MYO7A: variants seen among roughly 807,000 people sequenced by gnomAD.
MYO7A encodes the protein unconventional myosin-VIIa.
A neutral mutation model predicts 263.8 loss-of-function variants in MYO7A; 210 were observed. The ratio of observed to expected loss-of-function variants is 0.80; its 90% CI spans 0.71 to 0.89. MYO7A has a LOEUF of 0.89. Ranked by LOEUF, MYO7A falls within the 40% of genes least tolerant of loss-of-function variation. The pLI is 0.00. For synonymous variants in MYO7A, 1,239 were observed against 1,197.3 expected, an observed-to-expected ratio of 1.03 and a Z score of -0.72; for missense variants, 2,820 against 2,968.3, an observed-to-expected ratio of 0.95 and a Z score of 1.16.
intron 9 of MYO7A, among the ~76,000 whole-genome samples, chr11:77,159,037 A>C (rs782559142): frequency 6.6e-6 from 1 of 152,226 alleles, no homozygotes; most frequent in East Asian, 1.9e-4. Context: ...ACTAAGAGAC[A>C]CAGGGAAGGG....
rs782643846 is a variant in MYO7A at position 77,156,847 on chromosome 11, C to T, written c.593-15C>T. 2.4e-5 allele frequency: 38 copies of T among 1,613,948 alleles called. No individual in the cohort carries two copies. In the South Asian group the frequency reaches 4.1e-4, roughly 17 times the overall value. On this transcript the variant is annotated splice_polypyrimidine_tract_variant and intron_variant, in intron 6 of 48. Transcript: ENST00000409709. ...GGGAGCGGGCTTTGCCAGTGACACC[C>T]TACTCACTCCGCAGCATTTGGGAAT... is the stretch of plus-strand genomic sequence containing the variant.
intron 11 of MYO7A, 118 bp downstream of exon 11, chr11:77,160,400 T>C (rs1253023531): frequency 1.4e-6 from 2 of 1,396,832 alleles, no homozygotes; most frequent in Non-Finnish European, 1.9e-6. Flanking sequence ...CACCCCTGCC[T>C]GCCCCGGGGC....
In MYO7A at chr11:77,206,200, G is replaced by T; in HGVS notation, c.5740G>T (p.Glu1914Ter). 6.2e-7 allele frequency: 1 copy of T among 1,608,786 alleles called. No homozygotes were observed. Among genetic ancestry groups the T allele is most frequent in the Non-Finnish European group, 8.5e-7 (1 of 1,176,504 alleles). The change falls in exon 41 of 49, where the codon GAG becomes TAG. Residue 1914 changes from glutamate to a stop codon, truncating the protein, a stop_gained and splice_region_variant. Transcript: ENST00000409709. LOFTEE classifies it high-confidence loss of function. ...HKVYFPDDTD[E>*]AFEVESSTKA... ...AGTCTACTTCCCTGATGACACTGACGAGGTGAGGGTCACCGGCTTCTAGGT... is the reference window on the plus strand; with the variant it reads ...AGTCTACTTCCCTGATGACACTGACTAGGTGAGGGTCACCGGCTTCTAGGT...
In MYO7A at chr11:77,179,933, C is replaced by T. The variant is rs1555082978; in HGVS notation, c.2566C>T (p.His856Tyr). The change falls in exon 21 of 49, where the codon CAC becomes TAC. Residue 856 changes from histidine (H) to tyrosine (Y), a missense_variant. Coordinates refer to ENST00000409709, the MANE Select transcript of MYO7A (RefSeq NM_000260.4). The stretch of plus-strand genomic sequence containing the variant: ...CCGGGGCATGATCGCCCGCAGGCTG[C>T]ACCAACGCCTCAGGGCTGAGGTGAG... ...YARGMIARRLHQRLRAEYLWR... is the reference protein window; with the variant it reads ...YARGMIARRLYQRLRAEYLWR... The T allele has an allele frequency of 1.3e-6, 2 of 1,530,168 alleles. No homozygotes were observed. Among genetic ancestry groups the T allele is most frequent in the Non-Finnish European group, 8.8e-7 (1 of 1,140,768 alleles). 94.8% of individuals were successfully genotyped at this position (1,530,168 alleles called of 1,614,324 possible).
At chr11:77,151,388 C>A (rs1479687215) in intron 4 of MYO7A, among the ~76,000 whole-genome samples, 5 of 152,214 alleles carry the variant, frequency 3.3e-5, no homozygotes, top group African/African-American at 7.2e-5. Context: ...GGAGTGGGCA[C>A]CTTTGTGGCT....
chr11:77,145,820 C>T lies in MYO7A; in HGVS notation c.133-1978C>T, dbSNP rs372136120. ...CTCTGTCCAGCGCAGCCCCTAATCC[C>T]CCTGAGGGCCTGGGCAGGCTGCCAC... On this transcript the variant is annotated intron_variant, in intron 3 of 48. Coordinates refer to ENST00000409709, the MANE Select transcript of MYO7A (RefSeq NM_000260.4). 2.0e-5 allele frequency among the ~76,000 whole-genome samples: 3 copies of T among 152,268 alleles called. No homozygotes were observed. In the East Asian group the frequency reaches 5.8e-4, roughly 29 times the overall value.
chr11:77,148,086 C>A, intron 4 of MYO7A, 136 bp downstream of exon 4: 1 of 837,476 alleles, frequency 1.2e-6, no homozygotes, highest in Non-Finnish European at 1.7e-6. Context: ...CGCTGTGCAG[C>A]TGGACCCCGG....
At chr11:77,197,174 T>C (rs936972874) in intron 32 of MYO7A, among the ~76,000 whole-genome samples, 2 of 152,186 alleles carry the variant, frequency 1.3e-5, no homozygotes, top group Admixed American at 1.3e-4. Flanking sequence ...TCCCACATGC[T>C]CTGCCTGGAA....
At chr11:77,143,833 T>C (rs1951378352) in intron 3 of MYO7A, among the ~76,000 whole-genome samples, 1 of 152,136 alleles carries the variant, frequency 6.6e-6, no homozygotes, top group Admixed American at 6.5e-5. Context: ...GAGGCTCTGC[T>C]GGGGACGACG....
At chr11:77,196,191 A>G (rs887483426) in intron 32 of MYO7A, among the ~76,000 whole-genome samples, 1 of 152,102 alleles carries the variant, frequency 6.6e-6, no homozygotes, top group Non-Finnish European at 1.5e-5. Flanking sequence ...ACATGGCAAA[A>G]CCCCGTCTCT....
chr11:77,177,034 G>A (rs1310370504), intron 18 of MYO7A, among the ~76,000 whole-genome samples: 2 of 152,176 alleles, frequency 1.3e-5, no homozygotes, highest in African/African-American at 4.8e-5. Flanking sequence ...GCTCGACGTG[G>A]GGAACCATGA....
chr11:77,191,626 C>T (rs373294587), intron 30 of MYO7A, among the ~76,000 whole-genome samples: 1 of 152,224 alleles, frequency 6.6e-6, no homozygotes, highest in Non-Finnish European at 1.5e-5. Context: ...CTGGAGCCTC[C>T]TCGGCTGAGC....
chr11:77,160,179 T>C lies in MYO7A; in HGVS notation c.1097T>C (p.Leu366Pro), dbSNP rs397516281. 1.3e-6 allele frequency: 2 copies of C among 1,564,842 alleles called. No homozygotes were observed. The highest frequency in any genetic ancestry group is 1.7e-6 in the Non-Finnish European group (2 of 1,155,654). Residue 366 changes from leucine (L) to proline (P), a missense_variant, in exon 11 of 49, where the codon CTG becomes CCG. Coordinates refer to ENST00000409709, the MANE Select transcript of MYO7A (RefSeq NM_000260.4). ...CTGTACCAGGTGAACCCCCCAGACC[T>C]GATGAGCTGCCTGACTAGCCGCACC... ...ASLLEVNPPD[L>P]MSCLTSRTLI...
chr11:77,179,129 G>C lies in MYO7A; in HGVS notation c.2367G>C (p.Leu789=). 1 of 1,597,730 alleles carries C rather than the reference G, an allele frequency of 6.3e-7. No homozygotes were observed. Among genetic ancestry groups the C allele is most frequent in the East Asian group, 2.3e-5 (1 of 44,188 alleles). The change falls in exon 20 of 49, where the codon CTG becomes CTC. Residue 789 remains leucine (L), a splice_region_variant and synonymous_variant. Transcript: ENST00000409709. ...ACAACTGTAGGAAGAACTACGGGCT[G>C]GTGAGCCTCCCCATGGGCTGCTCTT... The part of the protein sequence containing the change: ...RGHNCRKNYG[L]MRLGFLRLQA...
Position 77,211,265 on chromosome 11 carries a change from C to T in MYO7A, c.6165C>T (p.Ser2055=), listed in dbSNP as rs397516327. Reference sequence around the variant, plus strand: ...AGGAGGACAAGTCCTACTTCCCCAGCATCCCCAAGCTGCTGCGGGAGCTGG... The same window carrying T: ...AGGAGGACAAGTCCTACTTCCCCAGTATCCCCAAGCTGCTGCGGGAGCTGG... ...KFEEDKSYFP[S]IPKLLRELVP... is the part of the protein sequence containing the mutation. The change falls in exon 45 of 49, where the codon AGC becomes AGT. Residue 2055 remains serine, a synonymous_variant. Coordinates refer to ENST00000409709, the MANE Select transcript of MYO7A (RefSeq NM_000260.4). 647 of 1,580,762 alleles carry T rather than the reference C, an allele frequency of 4.1e-4. No homozygotes were observed. The highest frequency in any genetic ancestry group is 8.2e-4 in the Admixed American group (45 of 55,032).
rs569752467 is a variant in MYO7A, at chr11:77,199,654, C to A, written c.4688C>A (p.Ala1563Glu). ...PCSPCWSCRG[A>E]KTTAPSFTLA... Reference sequence around the variant, plus strand: ...TCTCCGTGTTGGTCCTGCAGGGGAGCGAAAACGACGGCCCCCAGCTTCACG... The same window carrying A: ...TCTCCGTGTTGGTCCTGCAGGGGAGAGAAAACGACGGCCCCCAGCTTCACG... The change falls in exon 35 of 49, where the codon GCG becomes GAG. Residue 1563 changes from alanine (A) to glutamate (E), a missense_variant. Coordinates refer to ENST00000409709, the MANE Select transcript of MYO7A (RefSeq NM_000260.4). 1 of 1,612,478 alleles carries A rather than the reference C, an allele frequency of 6.2e-7. No individual in the cohort carries two copies. Among genetic ancestry groups the A allele is most frequent in the Non-Finnish European group, 8.5e-7 (1 of 1,179,616 alleles).
At position 77,189,442 on chromosome 11, in the gene MYO7A, G is replaced by T; in HGVS notation, c.3602G>T (p.Cys1201Phe). The stretch of plus-strand genomic sequence containing the variant: ...ATTCTCGTGTCTCTCTGCGTGGGCT[G>T]TTTCGCCCCCTCCGAGAAGTTTGTC... ...GWILVSLCVG[C>F]FAPSEKFVKY... The change falls in exon 28 of 49, where the codon TGT (cysteine) becomes TTT (phenylalanine). Residue 1201 changes from cysteine (C) to phenylalanine (F), a missense_variant. By Grantham distance (205) the Cys-to-Phe change is radical. Transcript: ENST00000409709. 1 of 1,613,886 alleles carries T rather than the reference G, an allele frequency of 6.2e-7. No individual in the cohort carries two copies. Among genetic ancestry groups the T allele is most frequent in the Non-Finnish European group, 8.5e-7 (1 of 1,179,872 alleles).
At chr11:77,147,222 C>A (rs1211190771) in intron 3 of MYO7A, among the ~76,000 whole-genome samples, 1 of 151,840 alleles carries the variant, frequency 6.6e-6, no homozygotes, top group Non-Finnish European at 1.5e-5. Context: ...CCCTCTGCCC[C>A]CCTCCCCCTA....
intron 4 of MYO7A, among the ~76,000 whole-genome samples, chr11:77,153,781 GC>G (rs201374221): frequency 0.016 from 2,411 of 152,208 alleles, 33 homozygotes; most frequent in Non-Finnish European, 0.026. Flanking sequence ...CAGCGGCTGG[GC>G]CCCCTGGCTC....
Sources: gnomAD v4.1 joint callset for allele counts (sites outside exome capture counted in the v4.1 genomes callset) on GRCh38, gnomAD v4.1.1 for gene constraint, MANE v1.5 for transcripts, NCBI Gene and HGNC (gene_info 2026-07-23, HGNC 2026-07-21) for gene names.